SLC12A7: variants seen among roughly 807,000 people sequenced by gnomAD.
SLC12A7 encodes the protein K-Cl cotransporter 4.
SLC12A7 carries 100 observed loss-of-function variants against 120.6 expected under a neutral mutation model. The ratio of observed to expected loss-of-function variants is 0.83; its 90% CI spans 0.71 to 0.98. The LOEUF is 0.98. Among genes scored for constraint, SLC12A7 ranks in the 50% least tolerant of loss-of-function variants. SLC12A7 has a pLI of 0.00. For synonymous variants in SLC12A7, 760 were observed against 678.0 expected (o/e 1.12, Z -1.88); for missense variants, 1,373 against 1,548.1 (o/e 0.89, Z 1.90).
intron 1 of SLC12A7, among the ~76,000 whole-genome samples, chr5:1,105,226 G>T (rs948612750): frequency 6.8e-6 from 1 of 146,110 alleles, no homozygotes; most frequent in Non-Finnish European, 1.5e-5. Flanking sequence ...TCCCCGCAGG[G>T]ATGAGGTCCT....
chr5:1,100,495 C>T (rs193169318), intron 1 of SLC12A7, among the ~76,000 whole-genome samples: 126 of 152,350 alleles, frequency 8.3e-4, no homozygotes, highest in African/African-American at 2.9e-3. Context: ...AGCCCATCTG[C>T]GGATCCGACA....
intron 1 of SLC12A7, 105 bp from the exon 2 acceptor site, chr5:1,094,353 TCA>T: frequency 1.3e-6 from 1 of 797,242 alleles, no homozygotes; most frequent in Non-Finnish European, 2.2e-6. Context: ...CCACCAGCTG[TCA>T]CCTCTAAACC....
intron 15 of SLC12A7, among the ~76,000 whole-genome samples, chr5:1,075,016 C>T (rs528850343): frequency 1.0e-3 from 152 of 152,184 alleles, no homozygotes; most frequent in African/African-American, 3.5e-3. Context: ...TGCTGGGGCA[C>T]GGGGAAGGAC....
At chr5:1,112,719 C>G (rs1041043493), upstream of SLC12A7, among the ~76,000 whole-genome samples, 3 of 136,066 alleles carry the variant, frequency 2.2e-5, no homozygotes, top group African/African-American at 8.6e-5. Context: ...CTGTCAACAC[C>G]CGCTCAGACC....
At chr5:1,130,606 C>G in the SLC12A7 span, among the ~76,000 whole-genome samples, 10 of 150,768 alleles carry the variant, frequency 6.6e-5, no homozygotes, top group African/African-American at 2.4e-4. Flanking sequence ...GTCCCCTCAC[C>G]TCCTTAGCCA....
intron 9 of SLC12A7, among the ~76,000 whole-genome samples, chr5:1,081,295 CA>C (rs1278118950): frequency 6.6e-6 from 1 of 152,114 alleles, no homozygotes; most frequent in Non-Finnish European, 1.5e-5. Context: ...CCCCCGTCTA[CA>C]AAAAATACAG....
chr5:1,129,355 C>A, the SLC12A7 span, among the ~76,000 whole-genome samples: 3 of 152,150 alleles, frequency 2.0e-5, no homozygotes, highest in South Asian at 2.1e-4. Flanking sequence ...TCTCACAGAG[C>A]CTTAGCAGCC....
the SLC12A7 span, among the ~76,000 whole-genome samples, chr5:1,119,271 G>A: frequency 1.3e-5 from 2 of 152,210 alleles, no homozygotes; most frequent in Non-Finnish European, 2.9e-5. Flanking sequence ...TGCAAAGCCC[G>A]GCCTCAGTTA....
chr5:1,084,044 T>C, intron 7 of SLC12A7, 88 bp from the exon 8 acceptor site: 5 of 1,172,444 alleles, frequency 4.3e-6, no homozygotes, highest in Non-Finnish European at 4.9e-6. Context: ...GCACCCATGG[T>C]GTCGCCCGCG....
chr5:1,107,791 G>A (rs1742643600), intron 1 of SLC12A7, among the ~76,000 whole-genome samples: 1 of 152,220 alleles, frequency 6.6e-6, no homozygotes, highest in Admixed American at 6.5e-5. Context: ...GAGCTTTGCA[G>A]AAGAGGAAAC....
rs138720649 is a variant in SLC12A7, at chr5:1,065,476, G to A, written c.2244C>T (p.Asn748=). Residue 748 remains asparagine, a splice_region_variant and synonymous_variant, in exon 18 of 24, where the codon AAC becomes AAT. Coordinates refer to ENST00000264930, the MANE Select transcript of SLC12A7 (RefSeq NM_006598.3). ...TCTCTGTGCTCATTAGGGACCGTAT[G>A]TTCTGCGGGAGACAGGACAGGTTGG... ...KHMEAQRAEE[N]IRSLMSTEKT... is the part of the protein sequence containing the mutation. 1.1e-4 allele frequency: 174 copies of A among 1,580,934 alleles called. No homozygotes were observed. The African/African-American group carries it at 1.7e-3, about 16-fold the overall frequency.
chr5:1,133,520 C>T, the SLC12A7 span, among the ~76,000 whole-genome samples: 72 of 152,244 alleles, frequency 4.7e-4, no homozygotes, highest in Admixed American at 1.2e-3. Flanking sequence ...GCAAGAGATG[C>T]GAGGGGGACC....
chr5:1,143,258 G>C, the SLC12A7 span, among the ~76,000 whole-genome samples: 1 of 152,236 alleles, frequency 6.6e-6, no homozygotes, highest in Non-Finnish European at 1.5e-5. Flanking sequence ...GTGTAAGACC[G>C]GCCTCATCAG....
rs772468013 is a variant in SLC12A7, at chr5:1,074,697, T to A, written c.1968-26A>T. The A allele has an allele frequency of 2.6e-5, 42 of 1,604,990 alleles. No homozygotes were observed. The Admixed American group carries it at 7.0e-4, about 27-fold the overall frequency. The stretch of plus-strand genomic sequence containing the variant: ...CTGTGGGAAAGGAAGTCGGGGTTTG[T>A]CCAGCCGCGTACCTGGAGGCTCCTC... On this transcript the variant is annotated intron_variant, in intron 15 of 23. Transcript: ENST00000264930.
At chr5:1,083,665 T>C in intron 8 of SLC12A7, 80 bp downstream of exon 8, 1 of 1,446,488 alleles carries the variant, frequency 6.9e-7, no homozygotes, top group Non-Finnish European at 9.6e-7. Context: ...AGAGTGACTC[T>C]AAGGCGAGAG....
the SLC12A7 span, among the ~76,000 whole-genome samples, chr5:1,137,139 C>A: frequency 1.3e-5 from 2 of 152,196 alleles, no homozygotes; most frequent in Non-Finnish European, 2.9e-5. Context: ...CACAGTGAGG[C>A]CGCTGCAGTC....
Position 1,083,933 on chromosome 5 carries a change from G to A in SLC12A7, c.941C>T (p.Thr314Met), listed in dbSNP as rs149876780. Residue 314 changes from threonine to methionine, a missense_variant, in exon 8 of 24, where the codon ACG becomes ATG. Physicochemically the swap from Thr to Met is moderately conservative, Grantham distance 81 (BLOSUM62 -1). Coordinates refer to ENST00000264930, the MANE Select transcript of SLC12A7 (RefSeq NM_006598.3). The stretch of plus-strand genomic sequence containing the variant: ...GGCATCGAAGCTGCGCCGTGACAGC[G>A]TGCGGTTCCCCAGGAGGCAGACCCT... The part of the protein sequence containing the change: ...DIPVCLLGNR[T>M]LSRRSFDACV... The A allele has an allele frequency of 1.7e-5, 28 of 1,604,170 alleles. No homozygotes were observed. Among genetic ancestry groups the A allele is most frequent in the East Asian group, 1.3e-4 (6 of 44,884 alleles).
the SLC12A7 span, among the ~76,000 whole-genome samples, chr5:1,140,323 C>T: frequency 7.5e-4 from 114 of 152,346 alleles, no homozygotes; most frequent in African/African-American, 2.6e-3. Flanking sequence ...CATGGCCCCT[C>T]GGGTGAATCC....
chr5:1,116,737 A>C (rs958828761), upstream of SLC12A7, among the ~76,000 whole-genome samples: 4 of 152,166 alleles, frequency 2.6e-5, no homozygotes, highest in African/African-American at 4.8e-5. Context: ...CGTGAGTTGC[A>C]GACACAGGGA....
Sources: gnomAD v4.1 joint callset for allele counts (sites outside exome capture counted in the v4.1 genomes callset) on GRCh38, gnomAD v4.1.1 for gene constraint, MANE v1.5 for transcripts, NCBI Gene and HGNC (gene_info 2026-07-23, HGNC 2026-07-21) for gene names.